ZNRF2: variants seen among roughly 807,000 people sequenced by gnomAD.
The protein encoded by ZNRF2 is zinc and ring finger 2.
A neutral mutation model predicts 20.4 loss-of-function variants in ZNRF2; 16 were observed. That is an observed-to-expected ratio of 0.79 (90% CI 0.53 to 1.19). ZNRF2 has a LOEUF of 1.19. ZNRF2 is among the 50% of genes most tolerant of loss of function. The pLI is 0.00. For missense variants in ZNRF2, 363 were observed against 332.4 expected (o/e 1.09, Z -0.72); for synonymous variants, 178 against 144.9 (o/e 1.23, Z -1.64).
chr7:30,289,444 A>G (rs1340470207), intron 1 of ZNRF2, among the ~76,000 whole-genome samples: 1 of 152,156 alleles, frequency 6.6e-6, no homozygotes, highest in Admixed American at 6.5e-5. Context: ...TGAATTTGGG[A>G]TATTGTAATT....
intron 1 of ZNRF2, among the ~76,000 whole-genome samples, chr7:30,302,590 T>TA (rs1193531581): frequency 2.0e-5 from 3 of 152,026 alleles, no homozygotes; most frequent in Admixed American, 2.0e-4. Flanking sequence ...TATATGTACA[T>TA]AAAAAAGACA....
chr7:30,291,937 C>G (rs1486397638), intron 1 of ZNRF2, among the ~76,000 whole-genome samples: 15 of 151,818 alleles, frequency 9.9e-5, no homozygotes, highest in Admixed American at 9.8e-4. Context: ...TTTTTAAAAA[C>G]CTGGGTTTTT....
In ZNRF2 at chr7:30,323,643, A is replaced by G. The variant is rs762626230; in HGVS notation, c.471A>G (p.Gly157=). 30 of 1,584,310 alleles carry G rather than the reference A, an allele frequency of 1.9e-5. No homozygotes were observed. In the Admixed American group the frequency reaches 4.2e-4, roughly 22 times the overall value. Residue 157 remains glycine, a splice_region_variant and synonymous_variant, in exon 2 of 5, where the codon GGA becomes GGG. Transcript: ENST00000323037. ...ACTTGAGTTTCTTTTGTTTTTTAGGATTTAAGTGCCCTGTATGCTCAAAAT... is the reference window on the plus strand; with the variant it reads ...ACTTGAGTTTCTTTTGTTTTTTAGGGTTTAAGTGCCCTGTATGCTCAAAAT... The part of the protein sequence containing the change: ...PAHLSPHMFG[G]FKCPVCSKFV...
Position 30,366,301 on chromosome 7 carries a change from A to G in ZNRF2, c.*289A>G, listed in dbSNP as rs1417409648. The G allele has an allele frequency of 6.6e-6, 1 of 152,656 alleles. No homozygotes were observed. Among genetic ancestry groups the G allele is most frequent in the African/African-American group, 2.4e-5 (1 of 41,458 alleles). The allele number at this position is 152,656 out of a possible 1,614,324, so 9.5% of individuals were successfully genotyped here. A position where few individuals can be genotyped will look rare whatever the true frequency, so the allele number is the denominator to read the frequency against. The stretch of plus-strand genomic sequence containing the variant: ...CTTAATAGTCATCTACATAGGTAAT[A>G]CTGATAAACATTTTGTATTCAGACG... On this transcript the variant is annotated 3_prime_UTR_variant, in exon 5 of 5. Transcript: ENST00000323037.
chr7:30,356,929 T>A (rs1800049637), intron 3 of ZNRF2, among the ~76,000 whole-genome samples: 1 of 152,052 alleles, frequency 6.6e-6, no homozygotes, highest in Non-Finnish European at 1.5e-5. Flanking sequence ...ATGGTCTTGA[T>A]CTCCTGACCG....
At chr7:30,285,927 G>C in intron 1 of ZNRF2, 101 bp downstream of exon 1, 4 of 1,325,736 alleles carry the variant, frequency 3.0e-6, no homozygotes, top group Non-Finnish European at 3.9e-6. Context: ...TCCTTCTGCC[G>C]GGGCGCCGGG....
At chr7:30,318,040 A>G (rs1021431593) in intron 1 of ZNRF2, among the ~76,000 whole-genome samples, 1 of 152,206 alleles carries the variant, frequency 6.6e-6, no homozygotes, top group Admixed American at 6.5e-5. Context: ...TAAATTAGTC[A>G]GATTACCTAA....
chr7:30,341,522 TC>T (rs1279914286), intron 2 of ZNRF2, among the ~76,000 whole-genome samples: 2 of 152,154 alleles, frequency 1.3e-5, no homozygotes, highest in African/African-American at 4.8e-5. Flanking sequence ...AGCAGGTTGT[TC>T]AGTTTCCATG....
chr7:30,307,338 T>TG (rs1479410251), intron 1 of ZNRF2, among the ~76,000 whole-genome samples: 2 of 142,860 alleles, frequency 1.4e-5, no homozygotes, highest in African/African-American at 5.1e-5. Context: ...TTTTTTTTTT[T>TG]TTTTTTTTTT....
chr7:30,294,488 A>C (rs1471263824), intron 1 of ZNRF2, among the ~76,000 whole-genome samples: 3 of 152,166 alleles, frequency 2.0e-5, no homozygotes, highest in African/African-American at 7.2e-5. Context: ...TTAATTTAGA[A>C]ATATTGCACC....
Position 30,346,170 on chromosome 7 carries a change from A to ATTTTTTTTTTT in ZNRF2, c.566-9534_566-9524dup, listed in dbSNP as rs70980598. ...TGTTTTTTTTTTTCTGTTAAGTCTGATTTTTTTTTTTTTTTTTTTTTTTTT... is the reference window on the plus strand; with the variant it reads ...TGTTTTTTTTTTTCTGTTAAGTCTGATTTTTTTTTTTTTTTTTTTTTTTTTTTTTTTTTTTT... On this transcript the variant is annotated intron_variant, in intron 2 of 4. Coordinates refer to ENST00000323037, the MANE Select transcript of ZNRF2 (RefSeq NM_147128.4). 1.3e-3 allele frequency among the ~76,000 whole-genome samples: 31 copies of ATTTTTTTTTTT among 23,712 alleles called. 2 individuals carry two copies. Among genetic ancestry groups the ATTTTTTTTTTT allele is most frequent in the Non-Finnish European group, 2.5e-3 (26 of 10,204 alleles). The allele number at this position is 23,712 out of a possible 152,430, so 15.6% of individuals were successfully genotyped here. A position where few individuals can be genotyped will look rare whatever the true frequency, so the allele number is the denominator to read the frequency against.
chr7:30,347,390 T>C (rs1799894774), intron 2 of ZNRF2, among the ~76,000 whole-genome samples: 1 of 152,204 alleles, frequency 6.6e-6, no homozygotes, highest in South Asian at 2.1e-4. Context: ...TTTCTGGTGC[T>C]TTCAGTGTCA....
chr7:30,296,283 C>T (rs918174350), intron 1 of ZNRF2, among the ~76,000 whole-genome samples: 23 of 152,080 alleles, frequency 1.5e-4, no homozygotes, highest in African/African-American at 5.1e-4. Context: ...ATAAAATTGC[C>T]TTAGAAGTAA....
At position 30,309,046 on chromosome 7, in the gene ZNRF2, T is replaced by C. The variant is rs1375519217; in HGVS notation, c.470-14596T>C. Among the ~76,000 whole-genome samples, 3 of 152,184 alleles carry C rather than the reference T, an allele frequency of 2.0e-5. No homozygotes were observed. The East Asian group carries it at 5.8e-4, about 29-fold the overall frequency. On this transcript the variant is annotated intron_variant, in intron 1 of 4. Coordinates refer to ENST00000323037, the MANE Select transcript of ZNRF2 (RefSeq NM_147128.4). ...TAAATATGATGTCTTCACTCCTGTA[T>C]AAATAAATTCATATATAGAATATGT...
At chr7:30,332,886 A>T (rs114059495) in intron 2 of ZNRF2, among the ~76,000 whole-genome samples, 1,580 of 152,202 alleles carry the variant, frequency 0.01, 26 homozygotes, top group African/African-American at 0.035. Context: ...CTTTGGGTAG[A>T]TACCCAATAG....
intron 2 of ZNRF2, among the ~76,000 whole-genome samples, chr7:30,327,566 A>T (rs1420568414): frequency 6.6e-6 from 1 of 152,102 alleles, no homozygotes; most frequent in African/African-American, 2.4e-5. Context: ...ATAACAACCA[A>T]ATATTTCGAA....
intron 1 of ZNRF2, among the ~76,000 whole-genome samples, chr7:30,301,075 C>T (rs780023742): frequency 1.3e-5 from 2 of 152,210 alleles, no homozygotes; most frequent in Non-Finnish European, 2.9e-5. Flanking sequence ...GAGCAGTCTG[C>T]TGCTCTGCTC....
chr7:30,314,738 C>T (rs1287327500), intron 1 of ZNRF2, among the ~76,000 whole-genome samples: 1 of 151,660 alleles, frequency 6.6e-6, no homozygotes, highest in Non-Finnish European at 1.5e-5. Context: ...ATTATTAAAT[C>T]TCAAGTACTT....
intron 2 of ZNRF2, among the ~76,000 whole-genome samples, chr7:30,353,711 A>G (rs1205977700): frequency 6.6e-6 from 1 of 152,100 alleles, no homozygotes; most frequent in Non-Finnish European, 1.5e-5. Flanking sequence ...TGCGTCTAAA[A>G]TCGATGTTGC....
Sources: gnomAD v4.1 joint callset for allele counts (sites outside exome capture counted in the v4.1 genomes callset) on GRCh38, gnomAD v4.1.1 for gene constraint, MANE v1.5 for transcripts, NCBI Gene and HGNC (gene_info 2026-07-23, HGNC 2026-07-21) for gene names.